CFAP20DC: variants seen among roughly 807,000 people sequenced by gnomAD.
The protein encoded by CFAP20DC is protein CFAP20DC.
A neutral mutation model predicts 101.7 loss-of-function variants in CFAP20DC; 84 were observed. That is an observed-to-expected ratio of 0.83 (90% CI 0.69 to 0.99). The LOEUF is 0.99. CFAP20DC is among the 50% of genes least tolerant of loss of function. The probability of loss-of-function intolerance (pLI) is 0.00; values close to 1 mark genes in which losing one functional copy is unlikely to be tolerated. For missense variants in CFAP20DC, 1,007 were observed against 970.3 expected (o/e 1.04, Z -0.50); for synonymous variants, 359 against 351.2 (o/e 1.02, Z -0.25).
chr3:58,797,568 T>C (rs1318778262), intron 15 of CFAP20DC, among the ~76,000 whole-genome samples: 3 of 152,200 alleles, frequency 2.0e-5, no homozygotes, highest in South Asian at 2.1e-4. Context: ...CAAGTACTGA[T>C]GTAGAAGCTG....
chr3:58,996,622 G>C (rs1008697548), intron 4 of CFAP20DC, among the ~76,000 whole-genome samples: 9 of 152,190 alleles, frequency 5.9e-5, no homozygotes, highest in Admixed American at 1.3e-4. Flanking sequence ...AAAACAAAAA[G>C]TGTGCTATGT....
chr3:59,041,517 C>T (rs1396548985), intron 3 of CFAP20DC, among the ~76,000 whole-genome samples: 2 of 151,930 alleles, frequency 1.3e-5, no homozygotes, highest in African/African-American at 4.8e-5. Flanking sequence ...TTTCCAGTGG[C>T]TTAGTATATT....
At chr3:58,819,720 G>A (rs1193894446) in intron 14 of CFAP20DC, among the ~76,000 whole-genome samples, 1 of 143,340 alleles carries the variant, frequency 7.0e-6, no homozygotes, top group African/African-American at 2.7e-5. Context: ...GGTACAAGGA[G>A]GAACGGGTAC....
chr3:58,843,694 T>A (rs1230903063), intron 13 of CFAP20DC, among the ~76,000 whole-genome samples: 2 of 149,906 alleles, frequency 1.3e-5, no homozygotes, highest in African/African-American at 2.4e-5. Flanking sequence ...GAAGAGCAAC[T>A]CCAAGACACA....
intron 15 of CFAP20DC, among the ~76,000 whole-genome samples, chr3:58,780,184 C>G (rs2071694290): frequency 6.6e-6 from 1 of 152,106 alleles, no homozygotes; most frequent in African/African-American, 2.4e-5. Flanking sequence ...GGGAATTTGT[C>G]ACCACTAGAC....
At chr3:58,983,527 G>C (rs183733447) in intron 4 of CFAP20DC, among the ~76,000 whole-genome samples, 3 of 152,102 alleles carry the variant, frequency 2.0e-5, no homozygotes, top group African/African-American at 7.2e-5. Context: ...AACAAAATCA[G>C]AGCAAAACAC....
intron 4 of CFAP20DC, among the ~76,000 whole-genome samples, chr3:59,004,571 G>T (rs1576672016): frequency 6.6e-6 from 1 of 152,104 alleles, no homozygotes; most frequent in African/African-American, 2.4e-5. Flanking sequence ...TGGTCAACAA[G>T]TTATTATCTT....
rs147748375 is a variant in CFAP20DC at position 58,991,035 on chromosome 3, G to A, written c.278+48522C>T. Among the ~76,000 whole-genome samples, 645 of 151,848 alleles carry A rather than the reference G, an allele frequency of 4.2e-3. 7 individuals are homozygous for A. Among genetic ancestry groups the A allele is most frequent in the African/African-American group, 0.015 (621 of 41,364 alleles). ...CAGCAACTTTACTTGGCACATAGTGGGCTCTAATACATATTTATCAAATGA... is the reference window on the plus strand; with the variant it reads ...CAGCAACTTTACTTGGCACATAGTGAGCTCTAATACATATTTATCAAATGA... On this transcript the variant is annotated intron_variant, in intron 4 of 16. Transcript: ENST00000482387.
rs114838206 is a variant in CFAP20DC, at chr3:58,850,633, C to G, written c.1594-1224G>C. Among the ~76,000 whole-genome samples, 11 of 150,776 alleles carry G rather than the reference C, an allele frequency of 7.3e-5. No homozygotes were observed. The East Asian group carries it at 7.8e-4, about 11-fold the overall frequency. On this transcript the variant is annotated intron_variant, in intron 12 of 16. Transcript: ENST00000482387. The stretch of plus-strand genomic sequence containing the variant: ...AAAACAACAAAAAAAACCAACCAAC[C>G]AACCAAACAAAATATATAATAAATG...
chr3:58,771,982 G>A (rs1026056405), intron 15 of CFAP20DC, among the ~76,000 whole-genome samples: 14 of 152,190 alleles, frequency 9.2e-5, no homozygotes, highest in South Asian at 6.2e-4. Flanking sequence ...TAAAATTTGC[G>A]TGCTTTTCTC....
intron 4 of CFAP20DC, among the ~76,000 whole-genome samples, chr3:58,993,195 C>T (rs189487516): frequency 1.3e-5 from 2 of 152,302 alleles, no homozygotes; most frequent in Non-Finnish European, 2.9e-5. Context: ...TTATTCCCTT[C>T]ATTTTTAATA....
chr3:58,855,364 T>C (rs2078677075), intron 12 of CFAP20DC, among the ~76,000 whole-genome samples: 1 of 152,022 alleles, frequency 6.6e-6, no homozygotes, highest in African/African-American at 2.4e-5. Context: ...TGTGGAGAAA[T>C]AGGAACACTT....
At chr3:58,991,575 C>G (rs370343319) in intron 4 of CFAP20DC, among the ~76,000 whole-genome samples, 1 of 152,090 alleles carries the variant, frequency 6.6e-6, no homozygotes, top group South Asian at 2.1e-4. Flanking sequence ...TTTCTATGAA[C>G]GGGGTAGGGG....
intron 15 of CFAP20DC, among the ~76,000 whole-genome samples, chr3:58,769,406 C>T (rs2070628077): frequency 6.6e-6 from 1 of 152,080 alleles, no homozygotes; most frequent in African/African-American, 2.4e-5. Context: ...AATGACCTGC[C>T]CATTTGTGTG....
rs974427909 is a variant in CFAP20DC, at chr3:59,002,837, A to G, written c.278+36720T>C. Among the ~76,000 whole-genome samples, 1 of 152,198 alleles carries G rather than the reference A, an allele frequency of 6.6e-6. No homozygotes were observed. Among genetic ancestry groups the G allele is most frequent in the Non-Finnish European group, 1.5e-5 (1 of 68,024 alleles). The stretch of plus-strand genomic sequence containing the variant: ...CCTAGTTTGAAAAGCACTTCTTATC[A>G]TCAAACTTATCCTCACATTAAGGAG... On this transcript the variant is annotated intron_variant, in intron 4 of 16. Transcript: ENST00000482387. The surrounding 1 kb of genome is among the most constrained non-coding windows in gnomAD (Gnocchi z 4.5).
intron 3 of CFAP20DC, among the ~76,000 whole-genome samples, chr3:59,045,447 T>C (rs1444129961): frequency 6.6e-6 from 1 of 152,140 alleles, no homozygotes; most frequent in Admixed American, 6.5e-5. Flanking sequence ...TAGGACGTAG[T>C]TGATGAAAAA....
chr3:58,858,875 T>C (rs1209481205), intron 12 of CFAP20DC, among the ~76,000 whole-genome samples: 1 of 152,188 alleles, frequency 6.6e-6, no homozygotes, highest in African/African-American at 2.4e-5. Context: ...ACTTCTGTTG[T>C]TGACTAAAGA....
chr3:59,049,794 C>A lies in CFAP20DC; in HGVS notation c.-163G>T. On this transcript the variant is annotated 5_prime_UTR_variant, in exon 1 of 17. Coordinates refer to ENST00000482387, the MANE Select transcript of CFAP20DC (RefSeq NM_001394063.1). ...TTGGGCAGGCTCTTCTCAGCCCCTC[C>A]GGCCCCTGGTCAGCTCCATCTCCCG... 1 of 778,444 alleles carries A rather than the reference C, an allele frequency of 1.3e-6. No homozygotes were observed. The highest frequency in any genetic ancestry group is 2.0e-6 in the Non-Finnish European group (1 of 498,178). The allele number at this position is 778,444 out of a possible 1,614,324, so 48.2% of individuals were successfully genotyped here. A position where few individuals can be genotyped will look rare whatever the true frequency, so the allele number is the denominator to read the frequency against.
chr3:58,844,579 C>G (rs1474819576), intron 13 of CFAP20DC, among the ~76,000 whole-genome samples: 2 of 125,998 alleles, frequency 1.6e-5, no homozygotes, highest in African/African-American at 7.5e-5. Flanking sequence ...TTTAACACCC[C>G]ACTGTCAACA....
Sources: gnomAD v4.1 joint callset for allele counts (sites outside exome capture counted in the v4.1 genomes callset) on GRCh38, gnomAD v4.1.1 for gene constraint, Gnocchi (gnomAD v3.1) non-coding constraint, MANE v1.5 for transcripts, NCBI Gene and HGNC (gene_info 2026-07-23, HGNC 2026-07-21) for gene names.